Variants in RBFOX1 observed in about 807,000 individuals in gnomAD.
The protein encoded by RBFOX1 is RNA binding fox-1 homolog 1.
RBFOX1 carries 8 observed loss-of-function variants against 57.7 expected under a neutral mutation model. The observed-to-expected ratio is 0.14, with a 90% CI of 0.08 to 0.25. The LOEUF is 0.25. RBFOX1 is among the 10% of genes least tolerant of loss of function. The pLI, the probability that RBFOX1 is intolerant of heterozygous loss-of-function variation, is 1.00. For synonymous variants in RBFOX1, 326 were observed against 222.4 expected, an observed-to-expected ratio of 1.47 and a Z score of -4.15; for missense variants, 611 against 548.5, an observed-to-expected ratio of 1.11 and a Z score of -1.14.
chr16:6,978,955 C>A (rs369545985), intron 3 of RBFOX1, among the ~76,000 whole-genome samples: 3 of 152,180 alleles, frequency 2.0e-5, no homozygotes, highest in African/African-American at 7.2e-5. Context: ...GTGGAGAGCC[C>A]CAGGCTGCCA....
chr16:6,568,238 C>T (rs1004236327), intron 2 of RBFOX1, among the ~76,000 whole-genome samples: 5 of 152,132 alleles, frequency 3.3e-5, no homozygotes, highest in African/African-American at 1.2e-4. Flanking sequence ...CTCTAGTTTC[C>T]TTGTGAGGTG....
intron 1 of RBFOX1, among the ~76,000 whole-genome samples, chr16:6,175,478 T>G (rs2096998116): frequency 1.3e-5 from 2 of 152,114 alleles, no homozygotes; most frequent in South Asian, 4.1e-4. Flanking sequence ...CCAGATGTGT[T>G]TGACCACCCG....
intron 2 of RBFOX1, among the ~76,000 whole-genome samples, chr16:6,647,443 T>C (rs1291261033): frequency 1.3e-5 from 2 of 152,252 alleles, no homozygotes; most frequent in East Asian, 1.9e-4. Context: ...CAATGGGGTT[T>C]CACCTTGTTG....
At chr16:6,977,985 T>A (rs897192246) in intron 3 of RBFOX1, among the ~76,000 whole-genome samples, 8 of 148,486 alleles carry the variant, frequency 5.4e-5, no homozygotes, top group African/African-American at 1.0e-4. Flanking sequence ...GCTGAATGTG[T>A]CTTTGCAAGA....
chr16:7,601,628 C>G (rs2095030697), intron 9 of RBFOX1, among the ~76,000 whole-genome samples: 1 of 151,902 alleles, frequency 6.6e-6, no homozygotes, highest in Non-Finnish European at 1.5e-5. Flanking sequence ...AAAATCAACA[C>G]CACCACCACC....
At chr16:6,046,077 GT>G (rs1702102929) in intron 1 of RBFOX1, among the ~76,000 whole-genome samples, 1 of 152,158 alleles carries the variant, frequency 6.6e-6, no homozygotes, top group South Asian at 2.1e-4. Flanking sequence ...GCGTCTGATG[GT>G]TTTACACAAG....
At chr16:6,455,102 C>T (rs1490919504) in intron 2 of RBFOX1, among the ~76,000 whole-genome samples, 2 of 150,062 alleles carry the variant, frequency 1.3e-5, no homozygotes, top group African/African-American at 4.9e-5. Flanking sequence ...ACTGTGTTAG[C>T]CAGGATGGTC....
intron 2 of RBFOX1, among the ~76,000 whole-genome samples, chr16:6,424,175 G>A (rs147543770): frequency 6.6e-6 from 1 of 152,280 alleles, no homozygotes; most frequent in African/African-American, 2.4e-5. Context: ...GGAGGCAGAG[G>A]TTGCAGTGAG....
chr16:6,318,723 T>G (rs1380232978), intron 2 of RBFOX1, among the ~76,000 whole-genome samples: 1 of 152,128 alleles, frequency 6.6e-6, no homozygotes, highest in Non-Finnish European at 1.5e-5. Flanking sequence ...ATGGATATGG[T>G]ATTTCTGTAT....
At chr16:7,174,887 A>T (rs2081358044) in intron 4 of RBFOX1, among the ~76,000 whole-genome samples, 2 of 152,194 alleles carry the variant, frequency 1.3e-5, no homozygotes, top group Admixed American at 1.3e-4. Flanking sequence ...GTTGTGCCAC[A>T]TCCTTGACAA....
At chr16:6,941,006 C>T (rs1260731507) in intron 3 of RBFOX1, among the ~76,000 whole-genome samples, 1 of 151,866 alleles carries the variant, frequency 6.6e-6, no homozygotes, top group Non-Finnish European at 1.5e-5. Flanking sequence ...CACACCCGGC[C>T]CCCCTTATCG....
intron 4 of RBFOX1, among the ~76,000 whole-genome samples, chr16:5,885,345 T>G (rs1597635972): frequency 6.9e-6 from 1 of 144,790 alleles, no homozygotes; most frequent in East Asian, 2.0e-4. Flanking sequence ...AAACTCCAAA[T>G]ACGACTGCAT....
chr16:7,212,056 C>G (rs1176954597), intron 4 of RBFOX1, among the ~76,000 whole-genome samples: 1 of 152,034 alleles, frequency 6.6e-6, no homozygotes, highest in Non-Finnish European at 1.5e-5. Context: ...CAAGAAGGTT[C>G]CTAACAAGTC....
intron 3 of RBFOX1, among the ~76,000 whole-genome samples, chr16:5,715,055 T>C (rs780790986): frequency 6.6e-6 from 1 of 152,240 alleles, no homozygotes; most frequent in Non-Finnish European, 1.5e-5. Flanking sequence ...TAACTTTTCC[T>C]GCTTCTCCAG....
chr16:5,366,039 C>T, intron 1 of RBFOX1: 1 of 487,252 alleles, frequency 2.1e-6, no homozygotes. Context: ...TTGAAAATGT[C>T]TGTACAGCAA....
intron 2 of RBFOX1, among the ~76,000 whole-genome samples, chr16:6,492,117 AGTGTGT>A (rs112851602): frequency 7.3e-5 from 11 of 151,442 alleles, no homozygotes; most frequent in Non-Finnish European, 8.8e-5. Flanking sequence ...AGTATATGAA[AGTGTGT>A]GTGTGTGTGC....
chr16:7,330,774 G>C (rs965205589), intron 4 of RBFOX1, among the ~76,000 whole-genome samples: 1 of 152,026 alleles, frequency 6.6e-6, no homozygotes, highest in African/African-American at 2.4e-5. Flanking sequence ...ACACTAAAGA[G>C]ACAATTTGAT....
chr16:7,447,921 G>A (rs1316264472), intron 4 of RBFOX1, among the ~76,000 whole-genome samples: 1 of 152,228 alleles, frequency 6.6e-6, no homozygotes, highest in African/African-American at 2.4e-5. Context: ...ACAGGCATCT[G>A]CGTTAAATAT....
rs1276655438 is a variant in RBFOX1, at chr16:7,711,474, A to G, written c.*729A>G. ...GGAAAAAAAACCCACTAGTTAGGCC[A>G]TCAACAAGCATTCTTTTTATATTTC... On this transcript the variant is annotated 3_prime_UTR_variant, in exon 16 of 16. Transcript: ENST00000550418. 1 of 152,624 alleles carries G rather than the reference A, an allele frequency of 6.6e-6. No individual in the cohort carries two copies. The highest frequency in any genetic ancestry group is 1.9e-4 in the East Asian group (1 of 5,202). 9.5% of individuals were successfully genotyped at this position (152,624 alleles called of 1,614,324 possible).
Sources: gnomAD v4.1 joint callset for allele counts (sites outside exome capture counted in the v4.1 genomes callset) on GRCh38, gnomAD v4.1.1 for gene constraint, MANE v1.5 for transcripts, NCBI Gene and HGNC (gene_info 2026-07-23, HGNC 2026-07-21) for gene names.